ZNF862: variants seen among roughly 807,000 people sequenced by gnomAD.
ZNF862 encodes the protein zinc finger protein 862.
ZNF862 carries 64 observed loss-of-function variants against 91.1 expected under a neutral mutation model. The observed-to-expected ratio is 0.70, with a 90% confidence interval of 0.57 to 0.87. The LOEUF (loss-of-function observed/expected upper bound fraction) is 0.87. Ranked by LOEUF, ZNF862 falls within the 40% of genes least tolerant of loss-of-function variation. The pLI is 0.00. For missense variants in ZNF862, 1,459 were observed against 1,528.0 expected (o/e 0.95, Z 0.75); for synonymous variants, 631 against 618.1 (o/e 1.02, Z -0.31).
Position 149,862,091 on chromosome 7 carries a change from G to A in ZNF862, c.2931G>A (p.Glu977=), listed in dbSNP as rs1392298446. ...DDILNLARYF[E]CSLPTGYSEE... Reference sequence around the variant, plus strand: ...TTCTCAACCTGGCCAGGTATTTCGAGTGCTCCCTCCCAACAGGATACAGTG... The same window carrying A: ...TTCTCAACCTGGCCAGGTATTTCGAATGCTCCCTCCCAACAGGATACAGTG... Residue 977 remains glutamate (E), a synonymous_variant, in exon 7 of 8, where the codon GAG becomes GAA. Coordinates refer to ENST00000223210, the MANE Select transcript of ZNF862 (RefSeq NM_001099220.3). 6.2e-7 allele frequency: 1 copy of A among 1,613,676 alleles called. No individual in the cohort carries two copies. Among genetic ancestry groups the A allele is most frequent in the Admixed American group, 1.7e-5 (1 of 60,026 alleles).
Position 149,850,351 on chromosome 7 carries a change from C to A in ZNF862, c.1117+13C>A. ...TTGGCATCCTTGGGTAAAGACGCAC[C>A]GAGCCTCTTATTCACCACCCTCCTT... On this transcript the variant is annotated intron_variant, in intron 5 of 7. Transcript: ENST00000223210. This position sits in a 1 kb window ranked among gnomAD's most constrained non-coding sequence, Gnocchi z 4.2. 6.2e-7 allele frequency: 1 copy of A among 1,601,084 alleles called. No homozygotes were observed. The highest frequency in any genetic ancestry group is 8.5e-7 in the Non-Finnish European group (1 of 1,172,328).
At chr7:149,857,646 G>T (rs2128940349) in intron 5 of ZNF862, among the ~76,000 whole-genome samples, 1 of 152,232 alleles carries the variant, frequency 6.6e-6, no homozygotes, top group South Asian at 2.1e-4. Flanking sequence ...TGGAAGCCCT[G>T]TGCATGGCTG....
chr7:149,851,406 G>A (rs950606204), intron 5 of ZNF862, among the ~76,000 whole-genome samples: 3 of 152,208 alleles, frequency 2.0e-5, no homozygotes, highest in Admixed American at 1.3e-4. Context: ...TATTTATTTT[G>A]TGGTGACAGA....
In ZNF862 at chr7:149,847,795, G is replaced by A; in HGVS notation, c.302G>A (p.Gly101Glu). The A allele has an allele frequency of 6.2e-7, 1 of 1,613,752 alleles. No individual in the cohort carries two copies. The highest frequency in any genetic ancestry group is 8.5e-7 in the Non-Finnish European group (1 of 1,179,808). The change falls in exon 4 of 8, where the codon GGA becomes GAA. Residue 101 changes from glycine (G) to glutamate (E), a missense_variant. Gly to Glu is a moderately conservative substitution (Grantham distance 98). Coordinates refer to ENST00000223210, the MANE Select transcript of ZNF862 (RefSeq NM_001099220.3). ...MEVQGPTRES[G>E]QSLPPQKKAY... ...GTGCAAGGTCCCACCAGGGAGAGTG[G>A]ACAGTCCCTCCCGCCTCAGAAGAAA...
chr7:149,857,472 A>G (rs1802301612), intron 5 of ZNF862, among the ~76,000 whole-genome samples: 2 of 152,098 alleles, frequency 1.3e-5, no homozygotes, highest in South Asian at 4.1e-4. Flanking sequence ...TTCTAGGAAT[A>G]TTAATTCTCA....
At chr7:149,843,831 A>T (rs1801784135) in intron 1 of ZNF862, among the ~76,000 whole-genome samples, 1 of 152,158 alleles carries the variant, frequency 6.6e-6, no homozygotes, top group Non-Finnish European at 1.5e-5. Flanking sequence ...CGGTGCTGGA[A>T]GATGCCAAGC....
At chr7:149,852,310 AAAC>A (rs1802090098) in intron 5 of ZNF862, 1 of 151,640 alleles carries the variant, frequency 6.6e-6, no homozygotes, top group African/African-American at 2.4e-5. Flanking sequence ...TTAATACACA[AAAC>A]AACTTCTTGG....
intron 2 of ZNF862, chr7:149,845,124 T>C (rs1801827565): frequency 5.3e-6 from 1 of 189,262 alleles, no homozygotes; most frequent in South Asian, 1.1e-4. Flanking sequence ...GATGTGGAAA[T>C]CTGGTCTCAA....
chr7:149,861,812 C>G lies in ZNF862; in HGVS notation c.2652C>G (p.His884Gln). ...ACGTGGCACTGGAGAGCCTCCGTCA[C>G]CAGGCAGGGCCCAAAGAGGAAGAAT... Reference protein sequence around the residue: ...RAYVALESLRHQAGPKEEEFN... With the variant: ...RAYVALESLRQQAGPKEEEFN... The change falls in exon 7 of 8, where the codon CAC becomes CAG. Residue 884 changes from histidine to glutamine, a missense_variant. Transcript: ENST00000223210. The surrounding 1 kb of genome is among the most constrained non-coding windows in gnomAD (Gnocchi z 6.7). 6.2e-7 allele frequency: 1 copy of G among 1,613,652 alleles called. No individual in the cohort carries two copies. The highest frequency in any genetic ancestry group is 8.5e-7 in the Non-Finnish European group (1 of 1,179,870).
chr7:149,861,950 G>C lies in ZNF862; in HGVS notation c.2790G>C (p.Glu930Asp), dbSNP rs1021035941. The change falls in exon 7 of 8, where the codon GAG becomes GAC. Residue 930 changes from glutamate (E) to aspartate (D), a missense_variant. Transcript: ENST00000223210. The surrounding 1 kb of genome is among the most constrained non-coding windows in gnomAD (Gnocchi z 6.7). ...AGAGGACAGTCCTGACGGGGATTGAGTACCTCCAGCAGAGGTTTGACGCAG... is the reference window on the plus strand; with the variant it reads ...AGAGGACAGTCCTGACGGGGATTGACTACCTCCAGCAGAGGTTTGACGCAG... ...DRERTVLTGI[E>D]YLQQRFDADR... The C allele has an allele frequency of 6.2e-7, 1 of 1,613,692 alleles. No individual in the cohort carries two copies. The highest frequency in any genetic ancestry group is 8.5e-7 in the Non-Finnish European group (1 of 1,179,906).
intron 5 of ZNF862, chr7:149,858,823 T>G (rs116236142): frequency 6.5e-6 from 1 of 153,596 alleles, no homozygotes; most frequent in African/African-American, 2.4e-5. Context: ...CAAAAACCCA[T>G]GTAGTTGGTC....
Position 149,847,782 on chromosome 7 carries a change from A to T in ZNF862, c.289A>T (p.Thr97Ser). The T allele has an allele frequency of 6.2e-7, 1 of 1,613,954 alleles. No homozygotes were observed. The change falls in exon 4 of 8, where the codon ACC becomes TCC. Residue 97 changes from threonine (T) to serine (S), a missense_variant. Coordinates refer to ENST00000223210, the MANE Select transcript of ZNF862 (RefSeq NM_001099220.3). ...GGGAGAAATGGAGGTGCAAGGTCCCACCAGGGAGAGTGGACAGTCCCTCCC... is the reference window on the plus strand; with the variant it reads ...GGGAGAAATGGAGGTGCAAGGTCCCTCCAGGGAGAGTGGACAGTCCCTCCC... ...YMGEMEVQGPTRESGQSLPPQ... is the reference protein window; with the variant it reads ...YMGEMEVQGPSRESGQSLPPQ...
chr7:149,846,223 AG>A lies in ZNF862; in HGVS notation c.212del (p.Gly71AlafsTer64). The A allele has an allele frequency of 2.5e-6, 4 of 1,613,554 alleles. No individual in the cohort carries two copies. The highest frequency in any genetic ancestry group is 2.5e-6 in the Non-Finnish European group (3 of 1,179,796). Reference sequence around the variant, plus strand: ...CCAGAGCCATGGCTTGGCAGCGTCCAGGGCCAGAGGAGCCTTCTGGAGCATC... The same window carrying A: ...CCAGAGCCATGGCTTGGCAGCGTCCAGGCCAGAGGAGCCTTCTGGAGCATC... ...RGPEPWLGSV[Q>X]GQRSLLEHHP... On this transcript the variant is annotated frameshift_variant, in exon 3 of 8. Coordinates refer to ENST00000223210, the MANE Select transcript of ZNF862 (RefSeq NM_001099220.3). LOFTEE classifies it high-confidence loss of function.
Position 149,864,522 on chromosome 7 carries a change from C to T in ZNF862, c.*238C>T. ...ACAAATGTGCCAGAAGGTTCTATATCTCAAGTTCATTTTTAAGGTGCTGCA... is the reference window on the plus strand; with the variant it reads ...ACAAATGTGCCAGAAGGTTCTATATTTCAAGTTCATTTTTAAGGTGCTGCA... On this transcript the variant is annotated 3_prime_UTR_variant, in exon 8 of 8. Coordinates refer to ENST00000223210, the MANE Select transcript of ZNF862 (RefSeq NM_001099220.3). The T allele has an allele frequency of 2.0e-6, 1 of 498,146 alleles. No homozygotes were observed. Among genetic ancestry groups the T allele is most frequent in the Non-Finnish European group, 3.6e-6 (1 of 280,794 alleles). The allele number at this position is 498,146 out of a possible 1,614,324, so 30.9% of individuals were successfully genotyped here.
At chr7:149,846,127 T>A (rs1482722087) in intron 2 of ZNF862, 24 bp from the exon 3 acceptor site, 1 of 1,559,570 alleles carries the variant, frequency 6.4e-7, no homozygotes, top group South Asian at 1.1e-5. Flanking sequence ...TCTCTCTCGC[T>A]CTCTTTTTTT....
At chr7:149,858,016 G>T (rs1272372131) in intron 5 of ZNF862, among the ~76,000 whole-genome samples, 1 of 152,156 alleles carries the variant, frequency 6.6e-6, no homozygotes, top group Non-Finnish European at 1.5e-5. Flanking sequence ...CCTCTGGGGT[G>T]TGGTGGTGGT....
rs916530810 is a variant in ZNF862 at position 149,866,478 on chromosome 7, A to T, written c.*2194A>T. ...GCTTCCTGCGGCCTCTTCATCCTTG[A>T]AGAATCCCTCAGAGCAGGAGGCCAT... On this transcript the variant is annotated 3_prime_UTR_variant, in exon 8 of 8. Coordinates refer to ENST00000223210, the MANE Select transcript of ZNF862 (RefSeq NM_001099220.3). The T allele has an allele frequency of 6.6e-6, 1 of 152,144 alleles. No homozygotes were observed. The highest frequency in any genetic ancestry group is 1.5e-5 in the Non-Finnish European group (1 of 68,060). 9.4% of individuals were successfully genotyped at this position (152,144 alleles called of 1,614,324 possible).
At chr7:149,845,295 A>G (rs933289104) in intron 2 of ZNF862, among the ~76,000 whole-genome samples, 3 of 152,248 alleles carry the variant, frequency 2.0e-5, no homozygotes, top group Non-Finnish European at 4.4e-5. Context: ...TTCTTTGGGT[A>G]GACTTTCTGT....
At chr7:149,847,696 A>G (rs1247267993) in intron 3 of ZNF862, 39 bp from the exon 4 acceptor site, 2 of 1,510,940 alleles carry the variant, frequency 1.3e-6, no homozygotes, top group Non-Finnish European at 1.8e-6. Flanking sequence ...CTCTAACTAT[A>G]GGATTTTAAA....
Sources: gnomAD v4.1 joint callset for allele counts (sites outside exome capture counted in the v4.1 genomes callset) on GRCh38, gnomAD v4.1.1 for gene constraint, Gnocchi (gnomAD v3.1) non-coding constraint, MANE v1.5 for transcripts, NCBI Gene and HGNC (gene_info 2026-07-23, HGNC 2026-07-21) for gene names.